CPE: variants seen among roughly 807,000 people sequenced by gnomAD.
CPE encodes the protein carbocypeptidase E.
In CPE, 17 loss-of-function variants were observed where a neutral mutation model predicts 53.5. That is an observed-to-expected ratio of 0.32 (90% CI 0.22 to 0.48). The LOEUF (loss-of-function observed/expected upper bound fraction) is 0.48. Among genes scored for constraint, CPE ranks in the 20% least tolerant of loss-of-function variants. The pLI is 0.99. For missense variants in CPE, 524 were observed against 614.7 expected (o/e 0.85, Z 1.56); for synonymous variants, 226 against 228.8 (o/e 0.99, Z 0.11).
chr4:165,448,558 G>C (rs1423909446), intron 1 of CPE, among the ~76,000 whole-genome samples: 2 of 152,112 alleles, frequency 1.3e-5, no homozygotes, highest in Non-Finnish European at 2.9e-5. Flanking sequence ...CTGGGCATGG[G>C]AGCCATAAGA....
Position 165,400,344 on chromosome 4 carries a change from A to G in CPE, c.307+20816A>G, listed in dbSNP as rs114205999. On this transcript the variant is annotated intron_variant, in intron 1 of 8. Coordinates refer to ENST00000402744, the MANE Select transcript of CPE (RefSeq NM_001873.4). Reference sequence around the variant, plus strand: ...GAGGGAGAATAGGCAAAGGAGAGAAAGTGTATCAGGCAGAAACTTAGAACA... The same window carrying G: ...GAGGGAGAATAGGCAAAGGAGAGAAGGTGTATCAGGCAGAAACTTAGAACA... Among the ~76,000 whole-genome samples the G allele has an allele frequency of 7.5e-3, 1,146 of 152,284 alleles. 14 individuals are homozygous for G. Among genetic ancestry groups the G allele is most frequent in the African/African-American group, 0.025 (1,058 of 41,548 alleles).
In CPE at chr4:165,379,943, G is replaced by A. The variant is rs1391308807; in HGVS notation, c.307+415G>A. 6.6e-6 allele frequency among the ~76,000 whole-genome samples: 1 copy of A among 152,270 alleles called. No individual in the cohort carries two copies. The highest frequency in any genetic ancestry group is 1.5e-5 in the Non-Finnish European group (1 of 68,040). On this transcript the variant is annotated intron_variant, in intron 1 of 8. Coordinates refer to ENST00000402744, the MANE Select transcript of CPE (RefSeq NM_001873.4). The surrounding 1 kb of genome is among the most constrained non-coding windows in gnomAD (Gnocchi z 6.0). ...TGATTGCGAGTCCCCCGCAAGGGGG[G>A]TTGGTCTTCCTTGCTGACAAGAGTA...
At chr4:165,483,279 T>C (rs1732452244) in intron 4 of CPE, among the ~76,000 whole-genome samples, 1 of 152,238 alleles carries the variant, frequency 6.6e-6, no homozygotes, top group Admixed American at 6.5e-5. Flanking sequence ...CTCCAGATAA[T>C]GGCTCCTAGC....
chr4:165,471,116 CA>C (rs1191785775), intron 3 of CPE, among the ~76,000 whole-genome samples: 1 of 152,066 alleles, frequency 6.6e-6, no homozygotes. Context: ...AGGACAACTC[CA>C]AAAAATCCTG....
At chr4:165,401,237 T>C (rs1403401742) in intron 1 of CPE, among the ~76,000 whole-genome samples, 2 of 152,180 alleles carry the variant, frequency 1.3e-5, no homozygotes, top group Non-Finnish European at 2.9e-5. Context: ...TTTCTTCTCT[T>C]CGTTACACGC....
rs1221938406 is a variant in CPE, at chr4:165,445,379, TTTAA to T, written c.308-19008_308-19005del. Among the ~76,000 whole-genome samples, 11 of 152,168 alleles carry T rather than the reference TTTAA, an allele frequency of 7.2e-5. No homozygotes were observed. In the East Asian group the frequency reaches 1.9e-3, roughly 27 times the overall value. On this transcript the variant is annotated intron_variant, in intron 1 of 8. Transcript: ENST00000402744. Reference sequence around the variant, plus strand: ...TGTTATTTATCCTTCATACCGCATATTTAATTGTTTTTTAAAATACTAATTTCGC... The same window carrying T: ...TGTTATTTATCCTTCATACCGCATATTTGTTTTTTAAAATACTAATTTCGC...
intron 1 of CPE, among the ~76,000 whole-genome samples, chr4:165,421,770 A>G (rs1731229213): frequency 6.6e-6 from 1 of 152,240 alleles, no homozygotes; most frequent in Non-Finnish European, 1.5e-5. Flanking sequence ...ACAGAAAGGC[A>G]TATCTGGATA....
chr4:165,493,099 G>T, intron 6 of CPE, 72 bp from the exon 7 acceptor site: 1 of 935,084 alleles, frequency 1.1e-6, no homozygotes, highest in Non-Finnish European at 1.7e-6. Context: ...TGCTTGATAT[G>T]AAACATATTT....
At chr4:165,404,277 A>G (rs2241815) in intron 1 of CPE, 342,092 of 764,524 alleles carry the variant, frequency 0.45, 78,553 homozygotes, top group African/African-American at 0.58. Flanking sequence ...GGTGTGGCCA[A>G]GATCCCCTCT....
intron 1 of CPE, among the ~76,000 whole-genome samples, chr4:165,389,492 G>C (rs1048735598): frequency 1.3e-5 from 2 of 152,136 alleles, no homozygotes; most frequent in Non-Finnish European, 2.9e-5. Flanking sequence ...TTTTTAAACA[G>C]TTGGGCTAAC....
intron 3 of CPE, among the ~76,000 whole-genome samples, chr4:165,472,737 A>G (rs1560892447): frequency 1.3e-5 from 2 of 152,178 alleles, no homozygotes; most frequent in Non-Finnish European, 2.9e-5. Flanking sequence ...ACTTTAAAAA[A>G]TCCTTTAACT....
Position 165,498,196 on chromosome 4 carries a change from A to C in CPE, c.*586A>C, listed in dbSNP as rs1416255353. The C allele has an allele frequency of 6.6e-6, 1 of 152,194 alleles. No homozygotes were observed. Among genetic ancestry groups the C allele is most frequent in the East Asian group, 1.9e-4 (1 of 5,198 alleles). 9.4% of individuals were successfully genotyped at this position (152,194 alleles called of 1,614,324 possible). A position where few individuals can be genotyped will look rare whatever the true frequency, so the allele number is the denominator to read the frequency against. ...ATAAAAATTGACTTCTTGCTTGTAC[A>C]TATAGGAGCAATACTATTATATTAT... On this transcript the variant is annotated 3_prime_UTR_variant, in exon 9 of 9. Transcript: ENST00000402744.
At chr4:165,405,730 T>A in intron 1 of CPE, 1 of 886,726 alleles carries the variant, frequency 1.1e-6, no homozygotes, top group Non-Finnish European at 1.9e-6. Context: ...TCCCATTTTC[T>A]TTGCCCTGTC....
chr4:165,494,887 G>C (rs1419664388), intron 7 of CPE, among the ~76,000 whole-genome samples: 1 of 152,192 alleles, frequency 6.6e-6, no homozygotes, highest in Non-Finnish European at 1.5e-5. Flanking sequence ...TAGGAAAAAG[G>C]AGAAGGTGTG....
At chr4:165,396,024 C>T (rs1730761841) in intron 1 of CPE, among the ~76,000 whole-genome samples, 1 of 152,128 alleles carries the variant, frequency 6.6e-6, no homozygotes, top group African/African-American at 2.4e-5. Context: ...AAAGAAGTTT[C>T]ATTTGCTTTG....
intron 1 of CPE, among the ~76,000 whole-genome samples, chr4:165,463,570 A>G (rs1335191200): frequency 6.6e-6 from 1 of 152,078 alleles, no homozygotes; most frequent in Non-Finnish European, 1.5e-5. Context: ...TTTAGGAATA[A>G]AAACAAAAAA....
At chr4:165,386,355 G>A in intron 1 of CPE, 1 of 449,954 alleles carries the variant, frequency 2.2e-6, no homozygotes, top group South Asian at 1.7e-5. Context: ...AATCCTGAAT[G>A]TCTAGTATTA....
Position 165,467,864 on chromosome 4 carries a change from C to A in CPE, c.672+9C>A, listed in dbSNP as rs781233088. 26 of 1,612,392 alleles carry A rather than the reference C, an allele frequency of 1.6e-5. No homozygotes were observed. Among genetic ancestry groups the A allele is most frequent in the Non-Finnish European group, 2.2e-5 (26 of 1,179,252 alleles). On this transcript the variant is annotated intron_variant, in intron 3 of 8. Coordinates refer to ENST00000402744, the MANE Select transcript of CPE (RefSeq NM_001873.4). ...TGGATCAAAACACAAAGGTAGTGAC[C>A]ACGGGATAGTCTTCTTGGGTTCGTC...
chr4:165,442,193 C>A (rs1731626932), intron 1 of CPE, among the ~76,000 whole-genome samples: 1 of 151,820 alleles, frequency 6.6e-6, no homozygotes. Flanking sequence ...CAGGTGGATG[C>A]TACCATGCCC....
Sources: gnomAD v4.1 joint callset for allele counts (sites outside exome capture counted in the v4.1 genomes callset) on GRCh38, gnomAD v4.1.1 for gene constraint, Gnocchi (gnomAD v3.1) non-coding constraint, MANE v1.5 for transcripts, NCBI Gene and HGNC (gene_info 2026-07-23, HGNC 2026-07-21) for gene names.